The following ANXA2 variants were observed in gnomAD, a reference collection of about 807,000 sequenced individuals.
ANXA2 encodes the protein annexin II.
ANXA2 carries 28 observed loss-of-function variants against 47.3 expected under a neutral mutation model. That is an observed-to-expected ratio of 0.59 (90% CI 0.44 to 0.81). The LOEUF is 0.81. Ranked by LOEUF, ANXA2 falls within the 40% of genes least tolerant of loss-of-function variation. The probability of loss-of-function intolerance (pLI) is 0.00; values close to 1 mark genes in which losing one functional copy is unlikely to be tolerated. For missense variants in ANXA2, 384 were observed against 414.3 expected (o/e 0.93, Z 0.64); for synonymous variants, 172 against 155.5 (o/e 1.11, Z -0.79).
At chr15:60,397,774 C>T (rs2063101472) in intron 1 of ANXA2, 169 bp downstream of exon 1, 2 of 1,130,670 alleles carry the variant, frequency 1.8e-6, no homozygotes, top group Non-Finnish European at 1.1e-6. Context: ...TCCCTGAGCC[C>T]CCTCCCCAAA....
chr15:60,381,095 TGA>T (rs1261442288), intron 3 of ANXA2, among the ~76,000 whole-genome samples: 3 of 152,174 alleles, frequency 2.0e-5, no homozygotes, highest in East Asian at 1.9e-4. Flanking sequence ...AAGACAGTTC[TGA>T]GAGTGAAAGG....
intron 1 of ANXA2, chr15:60,390,523 A>T (rs983029954): frequency 2.1e-6 from 1 of 476,990 alleles, no homozygotes; most frequent in African/African-American, 2.0e-5. Context: ...AGACTAAGGC[A>T]ATTTTCTGGA....
At chr15:60,356,444 A>G (rs994517913) in intron 6 of ANXA2, among the ~76,000 whole-genome samples, 2 of 152,204 alleles carry the variant, frequency 1.3e-5, no homozygotes, top group Non-Finnish European at 2.9e-5. Flanking sequence ...GAATGAAAGT[A>G]TATTTCAATA....
chr15:60,392,953 A>C, intron 1 of ANXA2: 1 of 1,143,672 alleles, frequency 8.7e-7, no homozygotes. Flanking sequence ...AAAAAAAAAA[A>C]AAAAAAAAAA....
At position 60,384,012 on chromosome 15, in the gene ANXA2, C is replaced by A. The variant is rs553552956; in HGVS notation, c.49-1571G>T. 5 of 152,266 alleles carry A rather than the reference C, an allele frequency of 3.3e-5. No individual in the cohort carries two copies. In the East Asian group the frequency reaches 7.7e-4, roughly 23 times the overall value. The allele number at this position is 152,266 out of a possible 1,614,324, so 9.4% of individuals were successfully genotyped here. ...GGACTATCTTGGCCAAATATTAAAT[C>A]CAGTTCATATTTATAACCTGACATG... On this transcript the variant is annotated intron_variant, in intron 2 of 12. Coordinates refer to ENST00000451270, the MANE Select transcript of ANXA2 (RefSeq NM_004039.3).
Position 60,351,834 on chromosome 15 carries a change from C to T in ANXA2, c.683-15G>A, listed in dbSNP as rs1454315386. 1 of 1,563,426 alleles carries T rather than the reference C, an allele frequency of 6.4e-7. No individual in the cohort carries two copies. The highest frequency in any genetic ancestry group is 8.8e-7 in the Non-Finnish European group (1 of 1,134,514). On this transcript the variant is annotated splice_polypyrimidine_tract_variant and intron_variant, in intron 9 of 12. Transcript: ENST00000451270. Reference sequence around the variant, plus strand: ...CCTATCAAATACTGAGGAAAAACAACAAAGAGTTATCAGATCCGAGCCACT... The same window carrying T: ...CCTATCAAATACTGAGGAAAAACAATAAAGAGTTATCAGATCCGAGCCACT...
chr15:60,388,134 G>C (rs889431866), intron 1 of ANXA2, among the ~76,000 whole-genome samples: 3 of 151,506 alleles, frequency 2.0e-5, no homozygotes, highest in African/African-American at 7.3e-5. Flanking sequence ...GTAGCAGTGA[G>C]CCAAGATCAC....
intron 1 of ANXA2, among the ~76,000 whole-genome samples, chr15:60,395,220 C>G (rs1482708883): frequency 1.3e-5 from 2 of 152,200 alleles, no homozygotes. Flanking sequence ...CTTATTTTGT[C>G]TCTTTTCCTT....
At chr15:60,369,899 T>A (rs1427362833) in intron 3 of ANXA2, among the ~76,000 whole-genome samples, 1 of 152,196 alleles carries the variant, frequency 6.6e-6, no homozygotes, top group African/African-American at 2.4e-5. Flanking sequence ...ACAACCCAGG[T>A]AAGAAGTAAC....
chr15:60,374,195 A>C (rs1343252850), intron 3 of ANXA2, among the ~76,000 whole-genome samples: 1 of 152,244 alleles, frequency 6.6e-6, no homozygotes. Context: ...TCGACTTGGT[A>C]ATCTCACCGG....
chr15:60,381,495 A>G (rs2062858120), intron 3 of ANXA2, among the ~76,000 whole-genome samples: 1 of 152,180 alleles, frequency 6.6e-6, no homozygotes, highest in Non-Finnish European at 1.5e-5. Context: ...TGAACATCCT[A>G]TTTTGTAGAC....
chr15:60,392,994 T>C lies in ANXA2; in HGVS notation c.-12+4949A>G, dbSNP rs571177518. On this transcript the variant is annotated intron_variant, in intron 1 of 12. Transcript: ENST00000451270. ...TGGGTGAGGAGAGGGGTTCCCACTG[T>C]ACTCCATCCTCCACCCACCTACTGC... The C allele has an allele frequency of 1.4e-5, 18 of 1,268,094 alleles. No individual in the cohort carries two copies. In the African/African-American group the frequency reaches 2.6e-4, roughly 18 times the overall value. 78.6% of individuals were successfully genotyped at this position (1,268,094 alleles called of 1,614,324 possible). A position where few individuals can be genotyped will look rare whatever the true frequency, so the allele number is the denominator to read the frequency against.
intron 3 of ANXA2, among the ~76,000 whole-genome samples, chr15:60,379,172 G>A (rs1218627887): frequency 1.3e-5 from 2 of 151,610 alleles, no homozygotes; most frequent in South Asian, 2.1e-4. Context: ...CCAGCTACTC[G>A]GGAGGCTGAG....
intron 5 of ANXA2, 153 bp downstream of exon 5, chr15:60,360,788 C>A: frequency 1.6e-6 from 1 of 612,430 alleles, no homozygotes; most frequent in South Asian, 2.1e-5. Context: ...ATTTTTGGTA[C>A]AAATCCTGAG....
At chr15:60,373,090 C>T (rs999946369) in intron 3 of ANXA2, among the ~76,000 whole-genome samples, 12 of 152,074 alleles carry the variant, frequency 7.9e-5, no homozygotes, top group Non-Finnish European at 1.8e-4. Context: ...AAGTTTGTAC[C>T]TTTTTAAAAT....
At chr15:60,393,563 T>A (rs756017276) in intron 1 of ANXA2, 2 of 985,358 alleles carry the variant, frequency 2.0e-6, no homozygotes, top group Non-Finnish European at 2.4e-6. Context: ...AAGAGTTAAC[T>A]GGACTGTTAA....
Position 60,352,612 on chromosome 15 carries a change from G to T in ANXA2, c.589-136C>A. 1.5e-6 allele frequency: 1 copy of T among 664,414 alleles called. No homozygotes were observed. Among genetic ancestry groups the T allele is most frequent in the East Asian group, 2.7e-5 (1 of 36,888 alleles). The allele number at this position is 664,414 out of a possible 1,614,324, so 41.2% of individuals were successfully genotyped here. ...AAAGATGATTATACTGCAGACATGG[G>T]CAGAGACCTACTATTTAGGTCAAAA... On this transcript the variant is annotated intron_variant, in intron 8 of 12. Transcript: ENST00000451270. The surrounding 1 kb of genome is among the most constrained non-coding windows in gnomAD (Gnocchi z 4.2).
chr15:60,359,894 T>C (rs2062487407), intron 5 of ANXA2, among the ~76,000 whole-genome samples: 1 of 152,198 alleles, frequency 6.6e-6, no homozygotes, highest in Non-Finnish European at 1.5e-5. Context: ...AGACCCACAC[T>C]AAGAAAAGGG....
chr15:60,361,649 C>T (rs1487361478), intron 4 of ANXA2, among the ~76,000 whole-genome samples: 3 of 152,310 alleles, frequency 2.0e-5, no homozygotes, highest in East Asian at 1.9e-4. Flanking sequence ...CAAACTCGGA[C>T]GGTGTTTAAT....
Sources: allele counts gnomAD v4.1 joint callset (sites outside exome capture counted in the v4.1 genomes callset), GRCh38; gene constraint gnomAD v4.1.1; non-coding constraint Gnocchi (gnomAD v3.1); transcripts MANE v1.5; gene names NCBI Gene and HGNC (gene_info 2026-07-23, HGNC 2026-07-21).